RB1CC1: variants seen among roughly 807,000 people sequenced by gnomAD.
RB1CC1 encodes RB1-inducible coiled-coil protein 1.
Under a neutral mutation model 177.5 loss-of-function variants are expected in RB1CC1, and 46 were observed. That is an observed-to-expected ratio of 0.26 (90% CI 0.20 to 0.33). RB1CC1 has a LOEUF of 0.33. Ranked by LOEUF, RB1CC1 falls within the 10% of genes least tolerant of loss-of-function variation. The pLI is 1.00. For missense variants in RB1CC1, 1,703 were observed against 1,816.3 expected, an observed-to-expected ratio of 0.94 and a Z score of 1.13; for synonymous variants, 666 against 613.6, an observed-to-expected ratio of 1.09 and a Z score of -1.26.
chr8:52,671,406 G>T (rs183730978), intron 7 of RB1CC1, among the ~76,000 whole-genome samples: 1 of 152,134 alleles, frequency 6.6e-6, no homozygotes, highest in African/African-American at 2.4e-5. Context: ...GTGCTACTGC[G>T]ATCAGATATC....
At chr8:52,697,319 CTT>C (rs1855512991) in intron 1 of RB1CC1, among the ~76,000 whole-genome samples, 1 of 145,328 alleles carries the variant, frequency 6.9e-6, no homozygotes, top group Non-Finnish European at 1.5e-5. Context: ...AAAAAGAAGA[CTT>C]TTTATAAACT....
chr8:52,627,888 A>G, intron 22 of RB1CC1, 144 bp downstream of exon 22: 1 of 651,768 alleles, frequency 1.5e-6, no homozygotes, highest in Admixed American at 3.8e-5. Context: ...AATCTAGATA[A>G]TACAGATTTT....
chr8:52,680,295 T>C (rs971459954), intron 5 of RB1CC1, among the ~76,000 whole-genome samples: 1 of 152,076 alleles, frequency 6.6e-6, no homozygotes, highest in Admixed American at 6.5e-5. Flanking sequence ...AGGAAATAAG[T>C]TAAAAAGAAA....
At position 52,674,150 on chromosome 8, in the gene RB1CC1, C is replaced by G; in HGVS notation, c.697G>C (p.Glu233Gln). 1 of 1,613,960 alleles carries G rather than the reference C, an allele frequency of 6.2e-7. No homozygotes were observed. The highest frequency in any genetic ancestry group is 1.3e-5 in the African/African-American group (1 of 75,052). ...LPEHEDSEKA[E>Q]MKRSTELVLS... The stretch of plus-strand genomic sequence containing the variant: ...ACCAGTTCAGTGGATCTTTTCATCT[C>G]AGCTTTTTCTGAGTCTTCATGTTCA... The change falls in exon 7 of 24, where the codon GAG becomes CAG. Residue 233 changes from glutamate (E) to glutamine (Q), a missense_variant. Physicochemically the swap from Glu to Gln is conservative, Grantham distance 29. This residue lies in a region of RB1CC1 where 315 missense variants were observed against 304.9 expected (regional missense o/e 1.03). Coordinates refer to ENST00000025008, the MANE Select transcript of RB1CC1 (RefSeq NM_014781.5).
At chr8:52,711,458 C>T (rs757215881) in intron 1 of RB1CC1, among the ~76,000 whole-genome samples, 5 of 152,226 alleles carry the variant, frequency 3.3e-5, no homozygotes, top group Non-Finnish European at 7.3e-5. Context: ...CTTTTATCTA[C>T]TCTACATCCT....
intron 22 of RB1CC1, among the ~76,000 whole-genome samples, chr8:52,625,562 T>C (rs1848328817): frequency 6.6e-6 from 1 of 152,176 alleles, no homozygotes; most frequent in Admixed American, 6.5e-5. Flanking sequence ...ATGTCCAGAT[T>C]AAACCCATCC....
chr8:52,662,553 T>C (rs1217815318), intron 8 of RB1CC1, among the ~76,000 whole-genome samples: 1 of 152,074 alleles, frequency 6.6e-6, no homozygotes, highest in Non-Finnish European at 1.5e-5. Flanking sequence ...TATGTAATAA[T>C]GTTGTAGGTT....
intron 1 of RB1CC1, among the ~76,000 whole-genome samples, chr8:52,702,709 A>G (rs1221906701): frequency 6.8e-6 from 1 of 146,728 alleles, no homozygotes; most frequent in East Asian, 1.9e-4. Context: ...AGTGAGACTC[A>G]AAAAAAAAGA....
chr8:52,651,665 A>G (rs1198977757), intron 15 of RB1CC1, among the ~76,000 whole-genome samples: 1 of 152,216 alleles, frequency 6.6e-6, no homozygotes, highest in Non-Finnish European at 1.5e-5. Flanking sequence ...CATTAGCACC[A>G]AACTTTACTT....
intron 18 of RB1CC1, among the ~76,000 whole-genome samples, chr8:52,640,544 T>C (rs980728594): frequency 2.0e-5 from 3 of 152,208 alleles, no homozygotes; most frequent in Non-Finnish European, 4.4e-5. Context: ...TGCTTTGAAT[T>C]GCTTTTATAT....
intron 23 of RB1CC1, 59 bp from the exon 24 acceptor site, chr8:52,623,918 A>T (rs77912904): frequency 1.6e-3 from 1,129 of 690,260 alleles, no homozygotes; most frequent in East Asian, 5.3e-3. Context: ...TCTCTCTCTC[A>T]CACACACACA....
chr8:52,625,096 T>C (rs934233672), intron 22 of RB1CC1, among the ~76,000 whole-genome samples: 1 of 152,122 alleles, frequency 6.6e-6, no homozygotes, highest in African/African-American at 2.4e-5. Flanking sequence ...ATGTAGGAAT[T>C]CTAGGCTAAC....
chr8:52,628,333 G>A (rs960716776), intron 21 of RB1CC1, among the ~76,000 whole-genome samples, 165 bp from the exon 22 acceptor site: 3 of 152,126 alleles, frequency 2.0e-5, no homozygotes, highest in Admixed American at 6.5e-5. Flanking sequence ...AGGTCCTAAT[G>A]GGACTGCTGG....
chr8:52,706,119 T>G (rs1856518462), intron 1 of RB1CC1, among the ~76,000 whole-genome samples: 1 of 146,608 alleles, frequency 6.8e-6, no homozygotes, highest in Non-Finnish European at 1.5e-5. Flanking sequence ...CATTTATAAT[T>G]AGAGGGGAAA....
intron 1 of RB1CC1, among the ~76,000 whole-genome samples, chr8:52,700,963 G>T (rs537977032): frequency 6.6e-6 from 1 of 152,172 alleles, no homozygotes; most frequent in African/African-American, 2.4e-5. Context: ...TAAGAGGGAG[G>T]TTGACCTAGG....
chr8:52,646,923 A>G (rs1314973986), intron 15 of RB1CC1, among the ~76,000 whole-genome samples: 1 of 152,300 alleles, frequency 6.6e-6, no homozygotes, highest in Admixed American at 6.5e-5. Flanking sequence ...GCTAAGCCTC[A>G]AAAAGTTGCT....
intron 5 of RB1CC1, among the ~76,000 whole-genome samples, chr8:52,680,161 T>C (rs1563430441): frequency 6.6e-6 from 1 of 151,508 alleles, no homozygotes; most frequent in African/African-American, 2.4e-5. Flanking sequence ...GAATTAAAAG[T>C]AAAAAAAACT....
intron 8 of RB1CC1, among the ~76,000 whole-genome samples, chr8:52,667,594 T>C (rs551712333): frequency 1.3e-5 from 2 of 152,328 alleles, no homozygotes; most frequent in African/African-American, 4.8e-5. Flanking sequence ...TTTCAACAGT[T>C]CTAGGATTAT....
chr8:52,661,423 T>C, intron 9 of RB1CC1, 112 bp downstream of exon 9: 1 of 1,449,594 alleles, frequency 6.9e-7, no homozygotes. Context: ...CCAAAGTTCA[T>C]CAATAAGGTA....
Sources: allele counts gnomAD v4.1 joint callset (sites outside exome capture counted in the v4.1 genomes callset), GRCh38; gene constraint gnomAD v4.1.1; regional missense constraint gnomAD v4.1.1; transcripts MANE v1.5; gene names NCBI Gene and HGNC (gene_info 2026-07-23, HGNC 2026-07-21).